Variants in OSMR observed in about 807,000 individuals in gnomAD.
OSMR encodes the protein oncostatin-M-specific receptor subunit beta.
Under a neutral mutation model 99.9 loss-of-function variants are expected in OSMR, and 81 were observed. The ratio of observed to expected loss-of-function variants is 0.81; its 90% confidence interval spans 0.68 to 0.97. The LOEUF (loss-of-function observed/expected upper bound fraction) is 0.97, where lower values mean the gene tolerates loss of function less well. OSMR is among the 50% of genes least tolerant of loss of function. The pLI is 0.00. For synonymous variants in OSMR, 406 were observed against 410.4 expected (o/e 0.99, Z 0.13); for missense variants, 1,099 against 1,153.4 (o/e 0.95, Z 0.68).
intron 15 of OSMR, among the ~76,000 whole-genome samples, chr5:38,927,317 C>T (rs1746516111): frequency 6.6e-6 from 1 of 152,262 alleles, no homozygotes; most frequent in African/African-American, 2.4e-5. Flanking sequence ...CCATATTTCC[C>T]TTCCACACTG....
intron 9 of OSMR, among the ~76,000 whole-genome samples, chr5:38,915,588 TG>T (rs1745846705): frequency 6.6e-6 from 1 of 152,244 alleles, no homozygotes; most frequent in African/African-American, 2.4e-5. Context: ...AATTGATTTT[TG>T]TTATCACAAA....
intron 1 of OSMR, among the ~76,000 whole-genome samples, chr5:38,853,020 C>T (rs956266004): frequency 3.9e-5 from 6 of 152,178 alleles, no homozygotes; most frequent in Admixed American, 3.3e-4. Flanking sequence ...CGTGAGCCAC[C>T]GCGCCCGGCC....
intron 7 of OSMR, 69 bp downstream of exon 7, chr5:38,886,259 A>G: frequency 6.2e-7 from 1 of 1,612,044 alleles, no homozygotes; most frequent in South Asian, 1.1e-5. Context: ...TGTGTGATCA[A>G]GTAAATGTGC....
At chr5:38,849,945 T>G (rs1287423118) in intron 1 of OSMR, among the ~76,000 whole-genome samples, 1 of 152,228 alleles carries the variant, frequency 6.6e-6, no homozygotes, top group Non-Finnish European at 1.5e-5. Context: ...AGAGAGTTAG[T>G]ATCTTATACA....
At chr5:38,855,807 G>A (rs1397972762) in intron 1 of OSMR, among the ~76,000 whole-genome samples, 1 of 150,498 alleles carries the variant, frequency 6.6e-6, no homozygotes, top group Non-Finnish European at 1.5e-5. Context: ...TCTGTTCAAT[G>A]TAAACCAGAC....
intron 4 of OSMR, among the ~76,000 whole-genome samples, chr5:38,882,472 G>A (rs1743364680): frequency 6.6e-6 from 1 of 152,136 alleles, no homozygotes; most frequent in South Asian, 2.1e-4. Flanking sequence ...CTATTCTGGA[G>A]GCTGAGGCAG....
At chr5:38,878,937 T>C (rs1743045687) in intron 3 of OSMR, among the ~76,000 whole-genome samples, 1 of 152,226 alleles carries the variant, frequency 6.6e-6, no homozygotes, top group Non-Finnish European at 1.5e-5. Flanking sequence ...TCCAGAGTTT[T>C]AGCCTGTGCT....
intron 7 of OSMR, among the ~76,000 whole-genome samples, chr5:38,887,875 A>G (rs1012394756): frequency 1.3e-5 from 2 of 152,022 alleles, no homozygotes; most frequent in Non-Finnish European, 2.9e-5. Flanking sequence ...AAAGTTTTAA[A>G]TTTTTCCCTT....
At chr5:38,870,820 A>G (rs994839369) in intron 2 of OSMR, among the ~76,000 whole-genome samples, 4 of 152,150 alleles carry the variant, frequency 2.6e-5, no homozygotes, top group Non-Finnish European at 4.4e-5. Flanking sequence ...TCATGGGCAG[A>G]AATAGGCTGT....
rs1371636165 is a variant in OSMR at position 38,846,402 on chromosome 5, A to T, written c.-14+15A>T. ...CTGCCTACCTGGTGGGTGAAAACTA[A>T]ATGATTCATTCCTTACAGGCCGCAC... On this transcript the variant is annotated intron_variant, in intron 1 of 17. Transcript: ENST00000274276. 1 of 152,236 alleles carries T rather than the reference A, an allele frequency of 6.6e-6. No individual in the cohort carries two copies. The highest frequency in any genetic ancestry group is 6.5e-5 in the Admixed American group (1 of 15,290). 9.4% of individuals were successfully genotyped at this position (152,236 alleles called of 1,614,324 possible).
At chr5:38,939,373 C>T (rs191076166), downstream of OSMR, 1,175 of 232,192 alleles carry the variant, frequency 5.1e-3, 4 homozygotes, top group Middle Eastern at 0.031. Context: ...TCCAAAGAGC[C>T]TCTTTTAATG....
intron 9 of OSMR, among the ~76,000 whole-genome samples, chr5:38,907,097 A>C (rs916328952): frequency 6.6e-6 from 1 of 152,194 alleles, no homozygotes; most frequent in African/African-American, 2.4e-5. Flanking sequence ...AAGAAGTCAA[A>C]CTCTCTTTGC....
chr5:38,885,178 G>T (rs1396573077), intron 5 of OSMR, 171 bp from the exon 6 acceptor site: 2 of 985,300 alleles, frequency 2.0e-6, no homozygotes, highest in Middle Eastern at 5.2e-4. Flanking sequence ...CCAAGATGAG[G>T]TGACCCCTGA....
At chr5:38,939,068 G>A (rs916702252), downstream of OSMR, 4 of 232,808 alleles carry the variant, frequency 1.7e-5, no homozygotes, top group African/African-American at 8.8e-5. Flanking sequence ...CTCTTACCAT[G>A]CAAAAATAAC....
intron 3 of OSMR, among the ~76,000 whole-genome samples, chr5:38,877,545 A>G (rs995119762): frequency 1.3e-5 from 2 of 152,152 alleles, no homozygotes; most frequent in Non-Finnish European, 2.9e-5. Context: ...TCTTTCCACT[A>G]TCTCACCTTA....
At chr5:38,854,611 A>G (rs1345505480) in intron 1 of OSMR, among the ~76,000 whole-genome samples, 1 of 152,214 alleles carries the variant, frequency 6.6e-6, no homozygotes, top group African/African-American at 2.4e-5. Flanking sequence ...GCCTGAACAG[A>G]TATCTATTTT....
intron 9 of OSMR, among the ~76,000 whole-genome samples, chr5:38,909,326 C>G (rs1252705067): frequency 2.0e-5 from 3 of 152,204 alleles, no homozygotes; most frequent in African/African-American, 7.2e-5. Flanking sequence ...TTTCCCCAGC[C>G]TCACTGGAGA....
At chr5:38,907,180 A>G (rs929810349) in intron 9 of OSMR, among the ~76,000 whole-genome samples, 1 of 152,202 alleles carries the variant, frequency 6.6e-6, no homozygotes, top group African/African-American at 2.4e-5. Context: ...AGCTGGGCTG[A>G]AGGGTCAGGA....
chr5:38,936,223 C>T (rs116052837), downstream of OSMR, among the ~76,000 whole-genome samples: 1,540 of 152,264 alleles, frequency 0.01, 30 homozygotes, highest in African/African-American at 0.035. Context: ...ATCCACACCC[C>T]TGTTCGCTTT....
Sources: allele counts gnomAD v4.1 joint callset (sites outside exome capture counted in the v4.1 genomes callset), GRCh38; gene constraint gnomAD v4.1.1; transcripts MANE v1.5; gene names NCBI Gene and HGNC (gene_info 2026-07-23, HGNC 2026-07-21).